RTRAF: variants seen among roughly 807,000 people sequenced by gnomAD.
RTRAF encodes RNA transcription, translation and transport factor, also known as tRNA-splicing ligase complex subunit RTRAF.
A neutral mutation model predicts 34.4 loss-of-function variants in RTRAF; 14 were observed. The observed-to-expected ratio is 0.41, with a 90% CI of 0.27 to 0.64. RTRAF has a LOEUF of 0.64. Ranked by LOEUF, RTRAF falls within the 30% of genes least tolerant of loss-of-function variation. The pLI, the probability that RTRAF is intolerant of heterozygous loss-of-function variation, is 0.34. For missense variants in RTRAF, 291 were observed against 288.4 expected (o/e 1.01, Z -0.06); for synonymous variants, 96 against 95.3 (o/e 1.01, Z -0.04).
intron 3 of RTRAF, among the ~76,000 whole-genome samples, chr14:51,996,598 CCTT>C (rs1890525226): frequency 6.6e-6 from 1 of 151,912 alleles, no homozygotes; most frequent in Admixed American, 6.6e-5. Flanking sequence ...TTTGCTTCAT[CCTT>C]CTCTCTACAC....
chr14:51,996,727 C>A (rs1000237193), intron 3 of RTRAF, among the ~76,000 whole-genome samples: 7 of 151,936 alleles, frequency 4.6e-5, no homozygotes, highest in African/African-American at 1.7e-4. Flanking sequence ...TATATAACCA[C>A]AGTACAGTGA....
intron 3 of RTRAF, 73 bp from the exon 4 acceptor site, chr14:51,998,421 A>C: frequency 1.2e-6 from 1 of 807,518 alleles, no homozygotes; most frequent in Non-Finnish European, 1.9e-6. Context: ...GCTCAGTTAA[A>C]TTTGGTAAAT....
At chr14:51,994,589 C>T (rs1890488355) in intron 3 of RTRAF, among the ~76,000 whole-genome samples, 1 of 152,140 alleles carries the variant, frequency 6.6e-6, no homozygotes. Flanking sequence ...TATAATATCT[C>T]CCATTAGTGT....
At chr14:52,004,323 A>AATT in intron 7 of RTRAF, 39 bp from the exon 8 acceptor site, 1 of 1,609,592 alleles carries the variant, frequency 6.2e-7, no homozygotes, top group South Asian at 1.1e-5. Flanking sequence ...TAAATGTAAA[A>AATT]ATTATGTATT....
At position 52,006,550 on chromosome 14, in the gene RTRAF, T is replaced by C; in HGVS notation, c.*2034T>C. On this transcript the variant is annotated 3_prime_UTR_variant, in exon 8 of 8. Transcript: ENST00000261700. ...TGTGGGGCTCACCTCCTCCAGTCTGTGTGGTAGAAGTGATCTGCATAGCTT... is the reference window on the plus strand; with the variant it reads ...TGTGGGGCTCACCTCCTCCAGTCTGCGTGGTAGAAGTGATCTGCATAGCTT... 6.2e-7 allele frequency: 1 copy of C among 1,613,680 alleles called. No homozygotes were observed. Among genetic ancestry groups the C allele is most frequent in the Non-Finnish European group, 8.5e-7 (1 of 1,179,680 alleles).
intron 5 of RTRAF, 129 bp from the exon 6 acceptor site, chr14:52,001,669 G>C (rs1890603499): frequency 1.5e-6 from 1 of 650,898 alleles, no homozygotes; most frequent in African/African-American, 1.9e-5. Flanking sequence ...TAATTTAATG[G>C]GGAGTTTATT....
chr14:51,989,771 C>T (rs1195151859), intron 1 of RTRAF, 71 bp downstream of exon 1: 6 of 1,451,882 alleles, frequency 4.1e-6, no homozygotes, highest in South Asian at 2.5e-5. Flanking sequence ...GTGCCCGCAC[C>T]CCACCTCCCC....
chr14:51,993,674 C>A, intron 2 of RTRAF, 49 bp from the exon 3 acceptor site: 2 of 1,152,374 alleles, frequency 1.7e-6, no homozygotes, highest in Non-Finnish European at 2.6e-6. Flanking sequence ...TTTTCTGTGA[C>A]TTTATGGTAA....
Position 52,009,651 on chromosome 14 carries a change from T to G in RTRAF, c.*5135T>G, listed in dbSNP as rs73284374. On this transcript the variant is annotated 3_prime_UTR_variant, in exon 8 of 8. Transcript: ENST00000261700. ...CAGACTCCAGAGACATGGCCAAAGT[T>G]TCATTGCCTACAAGATGGCAGCTCT... is the stretch of plus-strand genomic sequence containing the variant. 2 of 152,188 alleles carry G rather than the reference T, an allele frequency of 1.3e-5. No homozygotes were observed. The highest frequency in any genetic ancestry group is 4.8e-5 in the African/African-American group (2 of 41,414). The allele number at this position is 152,188 out of a possible 1,614,324, so 9.4% of individuals were successfully genotyped here.
At position 52,004,176 on chromosome 14, in the gene RTRAF, G is replaced by GTCTT. The variant is rs745736589; in HGVS notation, c.532-12_532-9dup. Reference sequence around the variant, plus strand: ...TCTTAACCATAAATACTCTCATTTTGTCTTTCTTTTTTTAAAGGGCTTACC... The same window carrying GTCTT: ...TCTTAACCATAAATACTCTCATTTTGTCTTTCTTTCTTTTTTTAAAGGGCTTACC... On this transcript the variant is annotated splice_polypyrimidine_tract_variant and intron_variant, in intron 6 of 7. Coordinates refer to ENST00000261700, the MANE Select transcript of RTRAF (RefSeq NM_016039.3). The GTCTT allele has an allele frequency of 1.1e-5, 17 of 1,602,542 alleles. No homozygotes were observed. The highest frequency in any genetic ancestry group is 5.6e-5 in the South Asian group (5 of 89,972).
At chr14:51,993,947 CAAGTT>C (rs1453312929) in intron 3 of RTRAF, 125 bp downstream of exon 3, 1 of 560,814 alleles carries the variant, frequency 1.8e-6, no homozygotes, top group Non-Finnish European at 3.1e-6. Context: ...ATTCTTATCA[CAAGTT>C]AAAAGCACTT....
Position 52,004,440 on chromosome 14 carries a change from A to C in RTRAF, c.659A>C (p.Asn220Thr), listed in dbSNP as rs754418609. 1.9e-6 allele frequency: 3 copies of C among 1,613,916 alleles called. No homozygotes were observed. The African/African-American group carries it at 4.0e-5, about 22-fold the overall frequency. The change falls in exon 8 of 8, where the codon AAC becomes ACC. Residue 220 changes from asparagine to threonine, a missense_variant. Asn to Thr is a moderately conservative substitution (Grantham distance 65). Transcript: ENST00000261700. ...CTCAGAGAGCTACAGACAAAAATCA[A>C]CGAAGCCATAGTAGCTGTTCAGGCA... is the stretch of plus-strand genomic sequence containing the variant. The part of the protein sequence containing the change: ...EELRELQTKI[N>T]EAIVAVQAII...
In RTRAF at chr14:51,991,420, C is replaced by T; in HGVS notation, c.165C>T (p.Asp55=). The T allele has an allele frequency of 6.2e-7, 1 of 1,613,266 alleles. No individual in the cohort carries two copies. The highest frequency in any genetic ancestry group is 1.7e-4 in the Middle Eastern group (1 of 6,056). The part of the protein sequence containing the change: ...RGNLRNIHSS[D]WPKFFEKYLR... ...ATTTAAGAAACATCCACAGCAGCGA[C>T]TGGCCCAAGTTCTTTGAAAAGGTAA... is the stretch of plus-strand genomic sequence containing the variant. Residue 55 remains aspartate, a synonymous_variant, in exon 2 of 8, where the codon GAC becomes GAT. Coordinates refer to ENST00000261700, the MANE Select transcript of RTRAF (RefSeq NM_016039.3).
intron 3 of RTRAF, among the ~76,000 whole-genome samples, chr14:51,996,381 T>G (rs1430429186): frequency 2.0e-5 from 3 of 152,116 alleles, no homozygotes; most frequent in African/African-American, 7.2e-5. Context: ...CTCCTTGACT[T>G]TTAAGTTACT....
At chr14:52,002,483 G>C (rs1411012885) in intron 6 of RTRAF, among the ~76,000 whole-genome samples, 1 of 152,174 alleles carries the variant, frequency 6.6e-6, no homozygotes, top group South Asian at 2.1e-4. Context: ...GGTTCTGTTG[G>C]AGTGTAAGGT....
chr14:51,991,240 T>TA, intron 1 of RTRAF, 77 bp from the exon 2 acceptor site: 1 of 1,422,722 alleles, frequency 7.0e-7, no homozygotes, highest in South Asian at 1.2e-5. Flanking sequence ...CACAAGAACA[T>TA]ATATCTGAAC....
At chr14:51,994,759 A>G (rs946587089) in intron 3 of RTRAF, among the ~76,000 whole-genome samples, 2 of 152,192 alleles carry the variant, frequency 1.3e-5, no homozygotes, top group Non-Finnish European at 2.9e-5. Context: ...CATTTTCTAT[A>G]AAAAGAATTT....
At chr14:51,999,482 T>A (rs1890569467) in intron 4 of RTRAF, 1 of 390,978 alleles carries the variant, frequency 2.6e-6, no homozygotes, top group Non-Finnish European at 4.6e-6. Context: ...CCATCCTAAG[T>A]TGGGGACCGT....
Position 52,004,820 on chromosome 14 carries a change from CACTT to C in RTRAF, c.*305_*308del. 4.4e-6 allele frequency: 1 copy of C among 229,842 alleles called. No homozygotes were observed. 14.2% of individuals were successfully genotyped at this position (229,842 alleles called of 1,614,324 possible). ...CCTTAAGTCATAGGAAAACTTAAAA[CACTT>C]TATTGGAGTAATCTAGAAAATTTTA... On this transcript the variant is annotated 3_prime_UTR_variant, in exon 8 of 8. Transcript: ENST00000261700.
Sources: gnomAD v4.1 joint callset for allele counts (sites outside exome capture counted in the v4.1 genomes callset) on GRCh38, gnomAD v4.1.1 for gene constraint, MANE v1.5 for transcripts, NCBI Gene and HGNC (gene_info 2026-07-23, HGNC 2026-07-21) for gene names.